Variants in SNX7 observed in about 807,000 individuals in gnomAD.
SNX7 encodes the protein sorting nexin 7.
Under a neutral mutation model 48.4 loss-of-function variants are expected in SNX7, and 35 were observed. The ratio of observed to expected loss-of-function variants is 0.72; its 90% confidence interval spans 0.55 to 0.96. The LOEUF (loss-of-function observed/expected upper bound fraction) is 0.96. Ranked by LOEUF, SNX7 falls within the 40% of genes least tolerant of loss-of-function variation. The pLI, the probability that SNX7 is intolerant of heterozygous loss-of-function variation, is 0.00. For synonymous variants in SNX7, 190 were observed against 190.2 expected (o/e 1.00, Z 0.01); for missense variants, 553 against 548.9 (o/e 1.01, Z -0.07).
intron 7 of SNX7, among the ~76,000 whole-genome samples, chr1:98,737,774 A>G (rs1653866791): frequency 6.6e-6 from 1 of 152,178 alleles, no homozygotes; most frequent in Non-Finnish European, 1.5e-5. Flanking sequence ...TATGGATGTT[A>G]TAACCTCTCA....
At chr1:98,703,381 T>G (rs957646795) in intron 7 of SNX7, among the ~76,000 whole-genome samples, 1 of 152,158 alleles carries the variant, frequency 6.6e-6, no homozygotes, top group African/African-American at 2.4e-5. Flanking sequence ...TCTATGCAAC[T>G]TAGAATTATT....
intron 1 of SNX7, among the ~76,000 whole-genome samples, chr1:98,663,332 C>T (rs911888317): frequency 8.3e-5 from 12 of 144,130 alleles, no homozygotes; most frequent in African/African-American, 3.1e-4. Flanking sequence ...GATTCTACCA[C>T]CTCCAGCACC....
At chr1:98,750,561 T>G (rs1654532160) in intron 8 of SNX7, among the ~76,000 whole-genome samples, 1 of 152,098 alleles carries the variant, frequency 6.6e-6, no homozygotes, top group Non-Finnish European at 1.5e-5. Flanking sequence ...AAATAGTTTA[T>G]AAGATTTTAT....
chr1:98,719,049 G>A (rs1008771580), intron 7 of SNX7, among the ~76,000 whole-genome samples: 1 of 152,120 alleles, frequency 6.6e-6, no homozygotes, highest in East Asian at 1.9e-4. Flanking sequence ...ATACTTAGAA[G>A]TGAAATTGCT....
chr1:98,684,813 A>G, intron 1 of SNX7, 72 bp from the exon 2 acceptor site: 1 of 1,071,258 alleles, frequency 9.3e-7, no homozygotes, highest in Non-Finnish European at 1.3e-6. Flanking sequence ...TTTCATTAAT[A>G]TTGATAGCAT....
At chr1:98,759,052 A>G (rs1282470542) in intron 8 of SNX7, among the ~76,000 whole-genome samples, 1 of 152,018 alleles carries the variant, frequency 6.6e-6, no homozygotes, top group Non-Finnish European at 1.5e-5. Context: ...CTAGTCTGTT[A>G]TTAGTGCTGG....
At chr1:98,715,990 C>T (rs954223285) in intron 7 of SNX7, among the ~76,000 whole-genome samples, 1 of 152,110 alleles carries the variant, frequency 6.6e-6, no homozygotes, top group African/African-American at 2.4e-5. Context: ...AATGAATTTA[C>T]ACCAGTGCCT....
Position 98,685,748 on chromosome 1 carries a change from T to C in SNX7, c.363+681T>C, listed in dbSNP as rs116296357. ...ATTTCATAAATGTAAAAAGTACATC[T>C]CTTTTTTTAGCTGAAAAAGTTCTGA... On this transcript the variant is annotated intron_variant, in intron 2 of 8. Transcript: ENST00000306121. Among the ~76,000 whole-genome samples, 813 of 152,298 alleles carry C rather than the reference T, an allele frequency of 5.3e-3. 8 individuals carry two copies. Among genetic ancestry groups the C allele is most frequent in the African/African-American group, 0.019 (771 of 41,576 alleles).
At chr1:98,722,714 ATAAC>A (rs1652951004) in intron 7 of SNX7, among the ~76,000 whole-genome samples, 1 of 152,100 alleles carries the variant, frequency 6.6e-6, no homozygotes, top group Admixed American at 6.6e-5. Flanking sequence ...TTAAGTAAGA[ATAAC>A]TATCATCCTC....
In SNX7 at chr1:98,669,111, A is replaced by G. The variant is rs374624883; in HGVS notation, c.180+7200A>G. Among the ~76,000 whole-genome samples the G allele has an allele frequency of 2.6e-5, 4 of 152,172 alleles. No homozygotes were observed. In the East Asian group the frequency reaches 7.7e-4, roughly 29 times the overall value. On this transcript the variant is annotated intron_variant, in intron 1 of 8. Coordinates refer to ENST00000306121, the MANE Select transcript of SNX7 (RefSeq NM_015976.5). The stretch of plus-strand genomic sequence containing the variant: ...CTCCAATTCTTAATTTCTCTTCCCC[A>G]ACCCGTTGTCTTTTCCATTTAATTT...
At chr1:98,729,612 A>G (rs749068983) in intron 7 of SNX7, among the ~76,000 whole-genome samples, 12 of 152,160 alleles carry the variant, frequency 7.9e-5, no homozygotes, top group African/African-American at 1.2e-4. Flanking sequence ...ATAAACAACC[A>G]TCAGAGAATA....
At chr1:98,738,171 T>G in intron 7 of SNX7, 66 bp from the exon 8 acceptor site, 1 of 1,536,942 alleles carries the variant, frequency 6.5e-7, no homozygotes, top group Non-Finnish European at 8.8e-7. Context: ...TCAACTTAAA[T>G]TTGATGAATT....
At chr1:98,742,815 G>A (rs899537360) in intron 8 of SNX7, among the ~76,000 whole-genome samples, 4 of 151,860 alleles carry the variant, frequency 2.6e-5, no homozygotes, top group Admixed American at 2.0e-4. Context: ...ATGGGTCTTT[G>A]GAATGTGTCA....
At chr1:98,672,046 G>A (rs988090254) in intron 1 of SNX7, among the ~76,000 whole-genome samples, 2 of 152,106 alleles carry the variant, frequency 1.3e-5, no homozygotes, top group African/African-American at 4.8e-5. Context: ...TCCCTAATTT[G>A]TTCTGAGAAA....
At chr1:98,708,418 G>A (rs1652125754) in intron 7 of SNX7, among the ~76,000 whole-genome samples, 1 of 152,182 alleles carries the variant, frequency 6.6e-6, no homozygotes, top group Admixed American at 6.6e-5. Flanking sequence ...GAGTGGGAAT[G>A]TGGCCATCAG....
intron 7 of SNX7, among the ~76,000 whole-genome samples, chr1:98,730,607 C>T (rs962500361): frequency 6.6e-6 from 1 of 151,844 alleles, no homozygotes; most frequent in African/African-American, 2.4e-5. Context: ...TATTCACCGA[C>T]AGTAGACAAG....
At chr1:98,746,630 G>A (rs760264505) in intron 8 of SNX7, among the ~76,000 whole-genome samples, 10 of 152,026 alleles carry the variant, frequency 6.6e-5, no homozygotes, top group Non-Finnish European at 1.3e-4. Context: ...CCACTTGAAC[G>A]AGCTTGGGTA....
chr1:98,737,600 C>G (rs1341505238), intron 7 of SNX7, among the ~76,000 whole-genome samples: 1 of 152,096 alleles, frequency 6.6e-6, no homozygotes, highest in East Asian at 1.9e-4. Context: ...ATTACATGCT[C>G]AAAAGTTGAT....
chr1:98,677,585 A>G (rs1650232148), intron 1 of SNX7, among the ~76,000 whole-genome samples: 2 of 152,172 alleles, frequency 1.3e-5, no homozygotes, highest in African/African-American at 4.8e-5. Flanking sequence ...CAAATTAGAA[A>G]TAGAGGTATA....
Sources: gnomAD v4.1 joint callset for allele counts (sites outside exome capture counted in the v4.1 genomes callset) on GRCh38, gnomAD v4.1.1 for gene constraint, MANE v1.5 for transcripts, NCBI Gene and HGNC (gene_info 2026-07-23, HGNC 2026-07-21) for gene names.